Variants in CDH2 observed in about 807,000 individuals in gnomAD.
CDH2 encodes the protein cadherin 2.
A neutral mutation model predicts 92.0 loss-of-function variants in CDH2; 17 were observed. The observed-to-expected ratio is 0.18, with a 90% CI of 0.13 to 0.28. The LOEUF is 0.28. CDH2 is among the 10% of genes least tolerant of loss of function. CDH2 has a pLI of 1.00. For synonymous variants in CDH2, 419 were observed against 415.9 expected (o/e 1.01, Z -0.09); for missense variants, 862 against 1,133.1 (o/e 0.76, Z 3.44).
intron 2 of CDH2, among the ~76,000 whole-genome samples, chr18:28,130,487 A>G (rs986443943): frequency 6.6e-6 from 1 of 152,260 alleles, no homozygotes; most frequent in African/African-American, 2.4e-5. Context: ...CCGACATAAC[A>G]TTCTGACAAC....
intron 1 of CDH2, among the ~76,000 whole-genome samples, chr18:28,154,626 G>C (rs1009508246): frequency 6.6e-6 from 1 of 152,088 alleles, no homozygotes; most frequent in Non-Finnish European, 1.5e-5. Context: ...TCAATGCTGT[G>C]AGCTTTAAAG....
chr18:27,953,259 T>C (rs1184532623), intron 15 of CDH2, among the ~76,000 whole-genome samples: 2 of 152,138 alleles, frequency 1.3e-5, no homozygotes, highest in Non-Finnish European at 2.9e-5. Flanking sequence ...AACAAGGAAA[T>C]AACTACTATC....
chr18:28,122,110 G>T (rs1014359774), intron 2 of CDH2, among the ~76,000 whole-genome samples: 1 of 151,954 alleles, frequency 6.6e-6, no homozygotes, highest in African/African-American at 2.4e-5. Flanking sequence ...TTCTCTTCCT[G>T]GTACCATATG....
chr18:28,115,472 A>C (rs2015481577), intron 2 of CDH2, among the ~76,000 whole-genome samples: 1 of 152,140 alleles, frequency 6.6e-6, no homozygotes, highest in African/African-American at 2.4e-5. Flanking sequence ...AAGGATTATC[A>C]AACATGGGCC....
In CDH2 at chr18:27,956,585, A is replaced by G. The variant is rs556887236; in HGVS notation, c.2515-4226T>C. On this transcript the variant is annotated intron_variant, in intron 15 of 15. Transcript: ENST00000269141. ...ATTATATCTTGCCTGGACCAGAGAA[A>G]AAGCCTGCCTAACTGGTCTTCGCCT... is the stretch of plus-strand genomic sequence containing the variant. Among the ~76,000 whole-genome samples the G allele has an allele frequency of 5.8e-4, 89 of 152,230 alleles. 1 individual carries two copies. The highest frequency in any genetic ancestry group is 1.2e-3 in the Non-Finnish European group (80 of 68,010).
chr18:28,042,798 A>C (rs2013973407), intron 2 of CDH2, among the ~76,000 whole-genome samples: 1 of 152,204 alleles, frequency 6.6e-6, no homozygotes, highest in Non-Finnish European at 1.5e-5. Flanking sequence ...TCCAGCAAAG[A>C]AAAAGAATAA....
At chr18:28,172,798 T>C (rs549626343) in intron 1 of CDH2, among the ~76,000 whole-genome samples, 14 of 152,264 alleles carry the variant, frequency 9.2e-5, no homozygotes, top group African/African-American at 3.4e-4. Context: ...TGGTAGTGTA[T>C]ATACGAACAC....
intron 2 of CDH2, among the ~76,000 whole-genome samples, chr18:28,045,818 C>T (rs1296681887): frequency 1.3e-5 from 2 of 152,152 alleles, no homozygotes; most frequent in African/African-American, 4.8e-5. Flanking sequence ...ACAAAACAGG[C>T]TCTTGAGATC....
Position 27,993,654 on chromosome 18 carries a change from A to G in CDH2, c.1021-17T>C, listed in dbSNP as rs758187333. ...TTGCACTTTCTAAAAAGACATAAAG[A>G]TAAGAACTTAAATGAAACTAATTCC... On this transcript the variant is annotated splice_polypyrimidine_tract_variant and intron_variant, in intron 7 of 15. Coordinates refer to ENST00000269141, the MANE Select transcript of CDH2 (RefSeq NM_001792.5). The G allele has an allele frequency of 6.9e-6, 11 of 1,586,468 alleles. No homozygotes were observed. Among genetic ancestry groups the G allele is most frequent in the East Asian group, 2.2e-5 (1 of 44,508 alleles).
intron 2 of CDH2, among the ~76,000 whole-genome samples, chr18:28,083,212 T>C (rs371911368): frequency 3.9e-5 from 6 of 152,266 alleles, no homozygotes; most frequent in Admixed American, 1.3e-4. Context: ...CAGACCAAGA[T>C]TGCAGTAGTG....
chr18:28,034,844 C>T (rs2013786840), intron 2 of CDH2, among the ~76,000 whole-genome samples: 1 of 151,978 alleles, frequency 6.6e-6, no homozygotes, highest in African/African-American at 2.4e-5. Context: ...ACAATACTAC[C>T]CGTACTTCAA....
rs554069914 is a variant in CDH2 at position 28,005,809 on chromosome 18, T to G, written c.847+40A>C. 2.6e-6 allele frequency: 4 copies of G among 1,535,440 alleles called. No homozygotes were observed. In the South Asian group the frequency reaches 4.9e-5, roughly 19 times the overall value. On this transcript the variant is annotated intron_variant, in intron 6 of 15. Coordinates refer to ENST00000269141, the MANE Select transcript of CDH2 (RefSeq NM_001792.5). ...TATAACAGGGCTGGTTACACCATAC[T>G]TTCCTCAAGTCATCTTCAAATTATT...
At chr18:28,049,299 T>C (rs1271678592) in intron 2 of CDH2, among the ~76,000 whole-genome samples, 1 of 152,228 alleles carries the variant, frequency 6.6e-6, no homozygotes, top group Admixed American at 6.5e-5. Flanking sequence ...GCTATGGGCA[T>C]GTACTATGTG....
At chr18:28,171,902 T>C (rs1288522432) in intron 1 of CDH2, among the ~76,000 whole-genome samples, 1 of 152,146 alleles carries the variant, frequency 6.6e-6, no homozygotes, top group African/African-American at 2.4e-5. Context: ...GCTCTTGCCC[T>C]TGACACTACA....
chr18:28,028,618 TA>T (rs1310367909), intron 2 of CDH2, among the ~76,000 whole-genome samples: 1 of 152,122 alleles, frequency 6.6e-6, no homozygotes, highest in Non-Finnish European at 1.5e-5. Flanking sequence ...ACCATCATAA[TA>T]CATAACTGAT....
intron 2 of CDH2, among the ~76,000 whole-genome samples, chr18:28,060,840 G>A (rs1455505485): frequency 1.3e-5 from 2 of 151,970 alleles, no homozygotes; most frequent in African/African-American, 4.8e-5. Context: ...GGACCCTCAG[G>A]GTATTCACTG....
At chr18:27,963,133 T>C (rs1404710098) in intron 15 of CDH2, among the ~76,000 whole-genome samples, 1 of 152,248 alleles carries the variant, frequency 6.6e-6, no homozygotes, top group East Asian at 1.9e-4. Flanking sequence ...TATGTCATTT[T>C]ACAAATGCAG....
intron 2 of CDH2, chr18:28,036,467 T>C (rs1407690956): frequency 2.0e-6 from 3 of 1,477,830 alleles, no homozygotes; most frequent in Middle Eastern, 1.7e-4. Context: ...CAATTTTTGT[T>C]ACCTGAAAGG....
intron 6 of CDH2, among the ~76,000 whole-genome samples, chr18:27,935,619 CACTATGGT>C (rs1242643311): frequency 6.6e-6 from 1 of 151,926 alleles, no homozygotes; most frequent in East Asian, 1.9e-4. Context: ...GGGTCCATTC[CACTATGGT>C]ACTGCCTTGT....
Sources: gnomAD v4.1 joint callset for allele counts (sites outside exome capture counted in the v4.1 genomes callset) on GRCh38, gnomAD v4.1.1 for gene constraint, MANE v1.5 for transcripts, NCBI Gene and HGNC (gene_info 2026-07-23, HGNC 2026-07-21) for gene names.